The following CPNE2 variants were observed in gnomAD, a reference collection of about 807,000 sequenced individuals.
CPNE2 encodes the protein copine 2, also known as copine-2.
Under a neutral mutation model 69.7 loss-of-function variants are expected in CPNE2, and 42 were observed. The observed-to-expected ratio is 0.60, with a 90% confidence interval of 0.47 to 0.78. The LOEUF is 0.78. CPNE2 is among the 30% of genes least tolerant of loss of function. The pLI is 0.00. For synonymous variants in CPNE2, 294 were observed against 289.8 expected, an observed-to-expected ratio of 1.01 and a Z score of -0.15; for missense variants, 587 against 732.0, an observed-to-expected ratio of 0.80 and a Z score of 2.29.
At chr16:57,137,425 G>T (rs1040125097) in intron 14 of CPNE2, 143 bp downstream of exon 14, 70 of 1,139,518 alleles carry the variant, frequency 6.1e-5, no homozygotes, top group Non-Finnish European at 8.4e-5. Context: ...TGTAAAAGTT[G>T]AGTCAAGCTC....
At chr16:57,115,651 T>G in intron 4 of CPNE2, 101 bp downstream of exon 4, 1 of 852,410 alleles carries the variant, frequency 1.2e-6, no homozygotes, top group East Asian at 2.9e-5. Context: ...CAGCTTTGTT[T>G]GGAGTAAAAA....
At chr16:57,113,188 A>G in intron 2 of CPNE2, 100 bp from the exon 3 acceptor site, 1 of 1,096,390 alleles carries the variant, frequency 9.1e-7, no homozygotes. Context: ...CCTGGCACAG[A>G]GTAGGCATTG....
At chr16:57,103,780 A>G (rs1029987706) in intron 1 of CPNE2, among the ~76,000 whole-genome samples, 2 of 152,150 alleles carry the variant, frequency 1.3e-5, no homozygotes, top group Non-Finnish European at 2.9e-5. Context: ...CGGGTTCTAC[A>G]TCGCGGTGGG....
intron 6 of CPNE2, 45 bp from the exon 7 acceptor site, chr16:57,119,516 T>C: frequency 6.5e-7 from 1 of 1,535,958 alleles, no homozygotes; most frequent in South Asian, 1.1e-5. Flanking sequence ...CCCAGAGCAC[T>C]GCTGCCCAGG....
At position 57,099,235 on chromosome 16, in the gene CPNE2, T is replaced by C. The variant is rs556246118; in HGVS notation, c.-36+6445T>C. On this transcript the variant is annotated intron_variant, in intron 1 of 15. Transcript: ENST00000290776. ...ACATACTCCTTTCTCTCTGGCCCCC[T>C]TCACACAGCACGTGTGAGACCCATC... 3.9e-5 allele frequency among the ~76,000 whole-genome samples: 6 copies of C among 152,338 alleles called. No individual in the cohort carries two copies. The South Asian group carries it at 1.2e-3, about 32-fold the overall frequency.
chr16:57,096,311 A>C (rs1276274296), intron 1 of CPNE2, among the ~76,000 whole-genome samples: 3 of 152,208 alleles, frequency 2.0e-5, no homozygotes, highest in Admixed American at 6.5e-5. Context: ...CCCATGGCCA[A>C]CCAGAGTTTG....
intron 1 of CPNE2, among the ~76,000 whole-genome samples, chr16:57,097,081 A>T (rs1597488003): frequency 6.6e-6 from 1 of 152,192 alleles, no homozygotes; most frequent in Non-Finnish European, 1.5e-5. Flanking sequence ...TATGGCTGGG[A>T]TACAGCCATG....
intron 4 of CPNE2, 44 bp from the exon 5 acceptor site, chr16:57,117,452 A>G (rs1318754416): frequency 2.5e-6 from 4 of 1,594,276 alleles, no homozygotes; most frequent in Non-Finnish European, 3.4e-6. Flanking sequence ...GCCTGGCAGG[A>G]GGCTGGGGGA....
intron 15 of CPNE2, chr16:57,147,128 C>G (rs2069964420): frequency 6.3e-6 from 1 of 158,462 alleles, no homozygotes; most frequent in Non-Finnish European, 1.4e-5. Flanking sequence ...ATCGGTCACC[C>G]CTTCATGCAC....
intron 14 of CPNE2, 116 bp downstream of exon 14, chr16:57,137,398 GC>G (rs1165928413): frequency 7.6e-7 from 1 of 1,319,122 alleles, no homozygotes; most frequent in African/African-American, 1.5e-5. Flanking sequence ...TCTGGGCCTT[GC>G]TTTACCTTCA....
At chr16:57,100,640 C>T (rs2069607340) in intron 1 of CPNE2, among the ~76,000 whole-genome samples, 1 of 152,172 alleles carries the variant, frequency 6.6e-6, no homozygotes, top group African/African-American at 2.4e-5. Context: ...AACTTCCTAG[C>T]CTTGGTTTAC....
Position 57,115,115 on chromosome 16 carries a change from A to G in CPNE2, c.361-361A>G, listed in dbSNP as rs144864238. Among the ~76,000 whole-genome samples the G allele has an allele frequency of 1.8e-3, 273 of 152,198 alleles. 4 individuals carry two copies. Among genetic ancestry groups the G allele is most frequent in the Non-Finnish European group, 2.4e-4 (16 of 68,010 alleles). The stretch of plus-strand genomic sequence containing the variant: ...GAATCTGAGCTTGACTCTGTCCATC[A>G]GAGATCATATCCTGAGGCAGGTGGG... On this transcript the variant is annotated intron_variant, in intron 3 of 15. Transcript: ENST00000290776.
intron 2 of CPNE2, chr16:57,112,951 C>A: frequency 4.8e-6 from 1 of 210,336 alleles, no homozygotes; most frequent in South Asian, 1.5e-4. Flanking sequence ...CCTTGTCCTC[C>A]ATCTCTTACC....
intron 7 of CPNE2, among the ~76,000 whole-genome samples, chr16:57,120,454 AT>A (rs1313161246): frequency 6.8e-6 from 1 of 147,290 alleles, no homozygotes; most frequent in East Asian, 2.0e-4. Context: ...AAAAAAAAAA[AT>A]TATAAAATAA....
Position 57,119,253 on chromosome 16 carries a change from A to G in CPNE2, c.566A>G (p.Lys189Arg), listed in dbSNP as rs2069742987. Residue 189 changes from lysine (K) to arginine (R), a missense_variant, in exon 6 of 16, where the codon AAG (lysine) becomes AGG (arginine). By Grantham distance (26) the Lys-to-Arg change is conservative. Around this residue, in one of 5 missense-constraint regions of CPNE2, gnomAD observed 269 missense variants for 300.5 expected, o/e 0.90. Transcript: ENST00000290776. ...TTTTATAAGCCAGGAGACGATGGCA[A>G]GTGGATGCTGGTCCACAGGACTGAG... ...LEFYKPGDDG[K>R]WMLVHRTEVI... The G allele has an allele frequency of 3.7e-6, 6 of 1,614,154 alleles. No homozygotes were observed. Among genetic ancestry groups the G allele is most frequent in the Non-Finnish European group, 5.1e-6 (6 of 1,180,008 alleles).
intron 14 of CPNE2, chr16:57,142,397 G>A (rs1183098280): frequency 1.3e-5 from 2 of 152,472 alleles, no homozygotes; most frequent in African/African-American, 4.8e-5. Flanking sequence ...CACGTGCCGA[G>A]GCCTGGAGGT....
rs1342329300 is a variant in CPNE2, at chr16:57,115,380, C to G, written c.361-96C>G. The G allele has an allele frequency of 3.0e-6, 3 of 1,002,870 alleles. No individual in the cohort carries two copies. The African/African-American group carries it at 4.8e-5, about 16-fold the overall frequency. The allele number at this position is 1,002,870 out of a possible 1,614,324, so 62.1% of individuals were successfully genotyped here. On this transcript the variant is annotated intron_variant, in intron 3 of 15. Coordinates refer to ENST00000290776, the MANE Select transcript of CPNE2 (RefSeq NM_152727.6). ...CCAGCCAGCCAGGGCGGGGTGCAGC[C>G]CTGCCAAGAGGATTTTTCCGGTGCC...
intron 9 of CPNE2, 69 bp downstream of exon 9, chr16:57,121,829 A>C (rs2069764766): frequency 6.9e-7 from 1 of 1,445,826 alleles, no homozygotes; most frequent in Non-Finnish European, 9.7e-7. Flanking sequence ...CAGACAGAGC[A>C]CTGGATCTGG....
chr16:57,098,527 C>A (rs947699537), intron 1 of CPNE2, among the ~76,000 whole-genome samples: 2 of 152,180 alleles, frequency 1.3e-5, no homozygotes, highest in African/African-American at 4.8e-5. Context: ...GTTGGGGCAG[C>A]CAGGCTGTGG....
Sources: gnomAD v4.1 joint callset for allele counts (sites outside exome capture counted in the v4.1 genomes callset) on GRCh38, gnomAD v4.1.1 for gene constraint, gnomAD v4.1.1 regional missense constraint, MANE v1.5 for transcripts, NCBI Gene and HGNC (gene_info 2026-07-23, HGNC 2026-07-21) for gene names.